The following HCN1 variants were observed in gnomAD, a reference collection of about 807,000 sequenced individuals.
The protein encoded by HCN1 is hyperpolarization activated cyclic nucleotide gated potassium channel 1.
HCN1 carries 13 observed loss-of-function variants against 78.9 expected under a neutral mutation model. That is an observed-to-expected ratio of 0.16 (90% CI 0.11 to 0.26). HCN1 has a LOEUF of 0.26. Among genes scored for constraint, HCN1 ranks in the 10% least tolerant of loss-of-function variants. HCN1 has a pLI of 1.00. For synonymous variants in HCN1, 552 were observed against 455.5 expected (o/e 1.21, Z -2.70); for missense variants, 810 against 1,154.3 (o/e 0.70, Z 4.32).
intron 5 of HCN1, among the ~76,000 whole-genome samples, chr5:45,310,216 G>A (rs1437739191): frequency 6.6e-6 from 1 of 152,016 alleles, no homozygotes; most frequent in Admixed American, 6.6e-5. Context: ...ACTATCAACA[G>A]AGTAAACAGA....
At chr5:45,509,203 A>G (rs1442764052) in intron 2 of HCN1, among the ~76,000 whole-genome samples, 1 of 152,110 alleles carries the variant, frequency 6.6e-6, no homozygotes, top group African/African-American at 2.4e-5. Context: ...CTAGGAGTGC[A>G]CCTCATAGCA....
intron 3 of HCN1, among the ~76,000 whole-genome samples, chr5:45,461,380 G>T (rs1459662576): frequency 6.6e-6 from 1 of 152,050 alleles, no homozygotes; most frequent in Non-Finnish European, 1.5e-5. Flanking sequence ...AGTAGTATCT[G>T]AAACTTCATT....
intron 2 of HCN1, among the ~76,000 whole-genome samples, chr5:45,557,040 T>A (rs781717311): frequency 5.9e-5 from 9 of 152,072 alleles, no homozygotes; most frequent in Non-Finnish European, 8.8e-5. Flanking sequence ...CTGATAATAA[T>A]CTGTCTCACT....
chr5:45,365,321 A>G (rs79474942), intron 4 of HCN1, among the ~76,000 whole-genome samples: 3,851 of 152,014 alleles, frequency 0.025, 64 homozygotes, highest in Non-Finnish European at 0.038. Flanking sequence ...CTCAATAGGT[A>G]ATTTTTCAAC....
intron 2 of HCN1, among the ~76,000 whole-genome samples, chr5:45,623,769 G>C (rs1745113094): frequency 6.6e-6 from 1 of 152,180 alleles, no homozygotes; most frequent in Admixed American, 6.5e-5. Context: ...CTGGAAGAGA[G>C]AGAGAGAAAC....
At chr5:45,351,117 T>G (rs1746891055) in intron 5 of HCN1, among the ~76,000 whole-genome samples, 1 of 152,108 alleles carries the variant, frequency 6.6e-6, no homozygotes, top group African/African-American at 2.4e-5. Context: ...GCTACCTGAC[T>G]TCAAACTATA....
At chr5:45,452,362 G>C (rs987867243) in intron 3 of HCN1, among the ~76,000 whole-genome samples, 1 of 146,324 alleles carries the variant, frequency 6.8e-6, no homozygotes, top group South Asian at 2.2e-4. Flanking sequence ...GGGTACATAT[G>C]CAGGTTTGCT....
chr5:45,695,565 C>A (rs920020686), intron 1 of HCN1, 104 bp downstream of exon 1: 2 of 1,192,574 alleles, frequency 1.7e-6, no homozygotes, highest in South Asian at 1.3e-5. Context: ...GCGCCACCCC[C>A]CGCCCGCCCT....
At position 45,329,885 on chromosome 5, in the gene HCN1, A is replaced by G. The variant is rs551578730; in HGVS notation, c.1377+23215T>C. Among the ~76,000 whole-genome samples the G allele has an allele frequency of 2.0e-5, 3 of 151,508 alleles. No homozygotes were observed. In the South Asian group the frequency reaches 6.2e-4, roughly 31 times the overall value. ...CATTTTATTTAACCTTACAACCATG[A>G]AAGACTGGTATTATTATTTTAATTT... On this transcript the variant is annotated intron_variant, in intron 5 of 7. Coordinates refer to ENST00000303230, the MANE Select transcript of HCN1 (RefSeq NM_021072.4).
chr5:45,504,876 C>T (rs1256562003), intron 2 of HCN1, among the ~76,000 whole-genome samples: 1 of 152,108 alleles, frequency 6.6e-6, no homozygotes, highest in Non-Finnish European at 1.5e-5. Flanking sequence ...TTTCATGTGT[C>T]TGTTGGCTGC....
chr5:45,524,325 G>A (rs1579948529), intron 2 of HCN1, among the ~76,000 whole-genome samples: 1 of 152,104 alleles, frequency 6.6e-6, no homozygotes, highest in Non-Finnish European at 1.5e-5. Context: ...TTTGGCTTAG[G>A]ATTGACTTGG....
intron 2 of HCN1, among the ~76,000 whole-genome samples, chr5:45,488,719 T>C (rs930768705): frequency 2.0e-5 from 3 of 152,132 alleles, no homozygotes; most frequent in Non-Finnish European, 4.4e-5. Flanking sequence ...TTAGAGAATA[T>C]TGGAGAAAGC....
chr5:45,683,159 T>G (rs1739737017), intron 1 of HCN1, among the ~76,000 whole-genome samples: 1 of 152,000 alleles, frequency 6.6e-6, no homozygotes, highest in Non-Finnish European at 1.5e-5. Context: ...ATTTATAAAT[T>G]TAAACCTAAC....
At chr5:45,684,530 A>G (rs1361788429) in intron 1 of HCN1, among the ~76,000 whole-genome samples, 1 of 152,174 alleles carries the variant, frequency 6.6e-6, no homozygotes, top group African/African-American at 2.4e-5. Flanking sequence ...TGACTATTCT[A>G]TAGGAAAAAT....
intron 4 of HCN1, among the ~76,000 whole-genome samples, chr5:45,392,882 T>C (rs926495184): frequency 2.0e-5 from 3 of 152,164 alleles, no homozygotes; most frequent in Non-Finnish European, 2.9e-5. Context: ...TTTTATTTCA[T>C]ATACTCGATA....
At chr5:45,376,824 T>C (rs1232873269) in intron 4 of HCN1, among the ~76,000 whole-genome samples, 1 of 151,962 alleles carries the variant, frequency 6.6e-6, no homozygotes, top group Non-Finnish European at 1.5e-5. Context: ...ATCTGTCATA[T>C]ATTGGTAAGG....
At chr5:45,482,146 G>T (rs560228927) in intron 2 of HCN1, among the ~76,000 whole-genome samples, 2 of 152,224 alleles carry the variant, frequency 1.3e-5, no homozygotes, top group African/African-American at 4.8e-5. Context: ...ACCTGGAAAC[G>T]ATTAAACCAG....
chr5:45,693,291 A>C (rs1476739475), intron 1 of HCN1, among the ~76,000 whole-genome samples: 171 of 152,264 alleles, frequency 1.1e-3, no homozygotes, highest in African/African-American at 4.0e-3. Flanking sequence ...ATATATTCTG[A>C]ATGTAAACAA....
At chr5:45,364,405 G>A (rs1747191339) in intron 4 of HCN1, among the ~76,000 whole-genome samples, 1 of 150,524 alleles carries the variant, frequency 6.6e-6, no homozygotes. Context: ...ACGCAAAATT[G>A]AAATTGTCTT....
Sources: allele counts gnomAD v4.1 joint callset (sites outside exome capture counted in the v4.1 genomes callset), GRCh38; gene constraint gnomAD v4.1.1; transcripts MANE v1.5; gene names NCBI Gene and HGNC (gene_info 2026-07-23, HGNC 2026-07-21).